The following CLXN variants were observed in gnomAD, a reference collection of about 807,000 sequenced individuals.
The protein encoded by CLXN is calaxin.
the CLXN span, chr8:48,724,686 C>A: frequency 1.4e-6 from 2 of 1,400,020 alleles, no homozygotes; most frequent in African/African-American, 1.4e-5. Flanking sequence ...AAAAAATAAG[C>A]AATATGTGTG....
At chr8:48,719,692 A>G in the CLXN span, among the ~76,000 whole-genome samples, 2 of 152,254 alleles carry the variant, frequency 1.3e-5, no homozygotes, top group African/African-American at 4.8e-5. Flanking sequence ...AGATGCAGAA[A>G]TAAAGCATTT....
At chr8:48,729,914 A>T in the CLXN span, 1 of 1,564,836 alleles carries the variant, frequency 6.4e-7, no homozygotes, top group South Asian at 1.2e-5. Context: ...TGCTATCAGT[A>T]AGGTAATATT....
the CLXN span, among the ~76,000 whole-genome samples, chr8:48,720,355 T>C: frequency 3.3e-5 from 5 of 152,170 alleles, no homozygotes; most frequent in Admixed American, 3.3e-4. Context: ...TATCATTAAG[T>C]TCTTTTCCTA....
the CLXN span, among the ~76,000 whole-genome samples, chr8:48,726,224 TCATCCATC>T: frequency 3.7e-4 from 48 of 128,330 alleles, no homozygotes; most frequent in African/African-American, 1.4e-3. Flanking sequence ...CCCATTCACT[TCATCCATC>T]CATCCATCCA....
the CLXN span, chr8:48,711,241 T>C: frequency 6.6e-6 from 1 of 152,206 alleles, no homozygotes; most frequent in Non-Finnish European, 1.5e-5. Context: ...CTTCTCTAGG[T>C]AGAAGCCTTT....
the CLXN span, chr8:48,731,591 C>G: frequency 8.3e-6 from 9 of 1,086,516 alleles, no homozygotes; most frequent in African/African-American, 1.3e-4. Context: ...AGACAAACAA[C>G]GTCAAAGACA....
At chr8:48,714,401 G>C in the CLXN span, among the ~76,000 whole-genome samples, 4 of 152,178 alleles carry the variant, frequency 2.6e-5, no homozygotes, top group Admixed American at 1.3e-4. Context: ...TAGATATATT[G>C]AAAGGCTCTT....
chr8:48,720,253 C>T, the CLXN span, among the ~76,000 whole-genome samples: 7 of 152,234 alleles, frequency 4.6e-5, no homozygotes, highest in South Asian at 4.2e-4. Flanking sequence ...GGGAAGACAA[C>T]CATAAGGTCT....
At chr8:48,713,813 T>C in the CLXN span, 1 of 152,166 alleles carries the variant, frequency 6.6e-6, no homozygotes, top group African/African-American at 2.4e-5. Flanking sequence ...CACAGAGATA[T>C]TTGCAGGTTA....
At chr8:48,723,534 C>A in the CLXN span, 1 of 152,188 alleles carries the variant, frequency 6.6e-6, no homozygotes, top group East Asian at 1.9e-4. Context: ...CAACTAGCCT[C>A]TCAGTATTTA....
the CLXN span, among the ~76,000 whole-genome samples, chr8:48,732,912 A>C: frequency 2.6e-5 from 4 of 152,190 alleles, no homozygotes; most frequent in African/African-American, 9.7e-5. Flanking sequence ...TTATAGAGAC[A>C]AAGTAGAATG....
At chr8:48,714,088 C>T in the CLXN span, 3 of 152,182 alleles carry the variant, frequency 2.0e-5, no homozygotes, top group Non-Finnish European at 4.4e-5. Context: ...CCCACCCCCC[C>T]GACAAACCCA....
At chr8:48,731,428 A>G in the CLXN span, 2 of 1,613,676 alleles carry the variant, frequency 1.2e-6, no homozygotes, top group Non-Finnish European at 1.7e-6. Context: ...CAGTCCAACA[A>G]CCAGACCTTG....
At chr8:48,716,103 A>C in the CLXN span, 1 of 152,180 alleles carries the variant, frequency 6.6e-6, no homozygotes, top group African/African-American at 2.4e-5. Flanking sequence ...GGCGGGATGC[A>C]AGTCCCGAGC....
At chr8:48,730,500 T>G in the CLXN span, 1 of 1,351,904 alleles carries the variant, frequency 7.4e-7, no homozygotes, top group Middle Eastern at 1.8e-4. Context: ...AGATATGTTA[T>G]TCATAATGTA....
chr8:48,722,155 G>A, the CLXN span, among the ~76,000 whole-genome samples: 5 of 152,130 alleles, frequency 3.3e-5, no homozygotes, highest in African/African-American at 9.7e-5. Context: ...ACCTGACTAC[G>A]CATTTTTCAA....
chr8:48,714,873 A>C, the CLXN span: 4 of 152,236 alleles, frequency 2.6e-5, no homozygotes, highest in African/African-American at 9.6e-5. Flanking sequence ...GGGAGTGTTC[A>C]GTATTAGAAT....
the CLXN span, among the ~76,000 whole-genome samples, chr8:48,725,628 A>G: frequency 1.3e-5 from 2 of 151,982 alleles, no homozygotes; most frequent in South Asian, 4.1e-4. Flanking sequence ...ACATGGAGAA[A>G]CCACGTCTCT....
chr8:48,731,293 T>C, the CLXN span: 2 of 1,445,190 alleles, frequency 1.4e-6, no homozygotes, highest in East Asian at 2.6e-5. Flanking sequence ...CACCAAACCC[T>C]TTTTTTTTCA....
Sources: allele counts gnomAD v4.1 joint callset (sites outside exome capture counted in the v4.1 genomes callset), GRCh38; gene constraint gnomAD v4.1.1; transcripts MANE v1.5; gene names NCBI Gene and HGNC (gene_info 2026-07-23, HGNC 2026-07-21).